Variants in KCNMA1 observed in about 807,000 individuals in gnomAD.
KCNMA1 encodes potassium calcium-activated channel subfamily M alpha 1, also known as Calcium-activated potassium channel subunit alpha-1.
In KCNMA1, 29 loss-of-function variants were observed where a neutral mutation model predicts 140.0. The observed-to-expected ratio is 0.21, with a 90% CI of 0.15 to 0.28. KCNMA1 has a LOEUF of 0.28. KCNMA1 is among the 10% of genes least tolerant of loss of function. KCNMA1 has a pLI of 1.00. For missense variants in KCNMA1, 880 were observed against 1,602.2 expected (o/e 0.55, Z 7.70); for synonymous variants, 612 against 611.9 (o/e 1.00, Z 0.00).
chr10:77,634,019 C>G (rs771367479), intron 1 of KCNMA1: 1 of 361,732 alleles, frequency 2.8e-6, no homozygotes, highest in East Asian at 1.6e-4. Context: ...TCTCCTATAT[C>G]GAATCACAGA....
At chr10:77,216,120 T>C (rs1383564089) in intron 3 of KCNMA1, among the ~76,000 whole-genome samples, 1 of 152,120 alleles carries the variant, frequency 6.6e-6, no homozygotes, top group African/African-American at 2.4e-5. Context: ...ATATGAAATG[T>C]CTAGAACAGG....
intron 24 of KCNMA1, chr10:76,913,831 G>A (rs959075927): frequency 9.7e-6 from 5 of 513,994 alleles, no homozygotes; most frequent in African/African-American, 9.6e-5. Context: ...GGTCAGATGG[G>A]TGTGATCAAA....
At chr10:76,891,311 T>A (rs1349693642) in intron 26 of KCNMA1, 1 of 590,614 alleles carries the variant, frequency 1.7e-6, no homozygotes, top group Non-Finnish European at 3.0e-6. Flanking sequence ...AGAACTTATA[T>A]CAAAGGGTTG....
chr10:77,605,290 G>A (rs571580094), intron 1 of KCNMA1, among the ~76,000 whole-genome samples: 136 of 152,340 alleles, frequency 8.9e-4, no homozygotes, highest in South Asian at 1.9e-3. Context: ...ACAGGAAAGA[G>A]CTGGCATGGT....
chr10:77,526,706 A>G (rs1288596259), intron 1 of KCNMA1, among the ~76,000 whole-genome samples: 8 of 152,170 alleles, frequency 5.3e-5, no homozygotes, highest in African/African-American at 1.9e-4. Flanking sequence ...TGATTTTCTG[A>G]GCTTTCAAAG....
At chr10:77,598,013 C>G (rs530350748) in intron 1 of KCNMA1, among the ~76,000 whole-genome samples, 118 of 152,246 alleles carry the variant, frequency 7.8e-4, no homozygotes, top group Middle Eastern at 3.4e-3. Flanking sequence ...ACTTTGCCAC[C>G]CAGGCTGGAG....
intron 3 of KCNMA1, among the ~76,000 whole-genome samples, chr10:77,226,708 T>C (rs1304827521): frequency 6.6e-6 from 1 of 152,202 alleles, no homozygotes. Flanking sequence ...GAGTCATTCA[T>C]CTTTCCTTTG....
chr10:77,055,626 T>C (rs932320378), intron 14 of KCNMA1, among the ~76,000 whole-genome samples: 4 of 152,134 alleles, frequency 2.6e-5, no homozygotes, highest in African/African-American at 4.8e-5. Context: ...AGGAGAATTT[T>C]CCTCTCTGCC....
chr10:77,254,224 C>CTTTT (rs11402076), intron 2 of KCNMA1, among the ~76,000 whole-genome samples: 1 of 140,448 alleles, frequency 7.1e-6, no homozygotes, highest in Non-Finnish European at 1.5e-5. Context: ...GAAATATACT[C>CTTTT]TTTTTTTTTT....
At chr10:77,261,696 A>T (rs970345416) in intron 2 of KCNMA1, among the ~76,000 whole-genome samples, 1 of 152,216 alleles carries the variant, frequency 6.6e-6, no homozygotes, top group Non-Finnish European at 1.5e-5. Context: ...TCATTGCATC[A>T]TAAAACTTAA....
intron 2 of KCNMA1, among the ~76,000 whole-genome samples, chr10:77,258,342 C>T (rs2061251130): frequency 6.6e-6 from 1 of 152,156 alleles, no homozygotes; most frequent in Admixed American, 6.5e-5. Context: ...GTGTTTCCAG[C>T]AGCACAATCA....
At chr10:76,891,407 A>G in intron 26 of KCNMA1, 118 bp downstream of exon 26, 1 of 763,172 alleles carries the variant, frequency 1.3e-6, no homozygotes, top group Non-Finnish European at 2.3e-6. Context: ...TCTTACAGTT[A>G]TCTACAATAG....
chr10:77,596,282 T>C (rs1567770858), intron 1 of KCNMA1, among the ~76,000 whole-genome samples: 1 of 152,174 alleles, frequency 6.6e-6, no homozygotes, highest in Non-Finnish European at 1.5e-5. Flanking sequence ...TCATAATATC[T>C]ATCAACTTGT....
intron 2 of KCNMA1, among the ~76,000 whole-genome samples, chr10:77,389,763 T>C (rs2095747335): frequency 6.6e-6 from 1 of 152,110 alleles, no homozygotes; most frequent in African/African-American, 2.4e-5. Context: ...CTCAGGCCCA[T>C]CTACATGCTT....
chr10:76,931,677 C>T (rs373850011), intron 23 of KCNMA1, among the ~76,000 whole-genome samples: 12 of 152,208 alleles, frequency 7.9e-5, no homozygotes, highest in South Asian at 2.1e-4. Context: ...TTTCTGTCAG[C>T]GAGCTGTCCC....
intron 5 of KCNMA1, among the ~76,000 whole-genome samples, chr10:77,128,977 T>C (rs997137087): frequency 2.0e-5 from 3 of 152,210 alleles, no homozygotes; most frequent in Non-Finnish European, 2.9e-5. Context: ...TGCAAGGCAG[T>C]GGTCCCCAGA....
At chr10:77,450,138 C>T (rs191928129) in intron 1 of KCNMA1, among the ~76,000 whole-genome samples, 13 of 152,224 alleles carry the variant, frequency 8.5e-5, no homozygotes, top group African/African-American at 2.6e-4. Flanking sequence ...TCACTTCAAC[C>T]TTTGTCTCCC....
At chr10:76,920,543 G>T (rs1181378507) in intron 23 of KCNMA1, among the ~76,000 whole-genome samples, 1 of 152,126 alleles carries the variant, frequency 6.6e-6, no homozygotes, top group Non-Finnish European at 1.5e-5. Context: ...TATGTGCCAG[G>T]CTGGGCTAAG....
intron 1 of KCNMA1, among the ~76,000 whole-genome samples, chr10:77,569,843 A>G (rs902509214): frequency 2.0e-5 from 3 of 152,232 alleles, no homozygotes; most frequent in Admixed American, 1.3e-4. Context: ...CTCATCTGAC[A>G]AAGGGCTAAT....
Sources: allele counts gnomAD v4.1 joint callset (sites outside exome capture counted in the v4.1 genomes callset), GRCh38; gene constraint gnomAD v4.1.1; transcripts MANE v1.5; gene names NCBI Gene and HGNC (gene_info 2026-07-23, HGNC 2026-07-21).